The following SV2C variants were observed in gnomAD, a reference collection of about 807,000 sequenced individuals.
SV2C encodes the protein synaptic vesicle glycoprotein 2C.
A neutral mutation model predicts 79.7 loss-of-function variants in SV2C; 49 were observed. That is an observed-to-expected ratio of 0.61 (90% CI 0.49 to 0.78). The LOEUF is 0.78. Ranked by LOEUF, SV2C falls within the 30% of genes least tolerant of loss-of-function variation. The probability of loss-of-function intolerance (pLI) is 0.00; values close to 1 mark genes in which losing one functional copy is unlikely to be tolerated. For synonymous variants in SV2C, 334 were observed against 333.2 expected, an observed-to-expected ratio of 1.00 and a Z score of -0.03; for missense variants, 833 against 912.9, an observed-to-expected ratio of 0.91 and a Z score of 1.13.
chr5:76,193,110 GA>G (rs1244851585), intron 2 of SV2C, among the ~76,000 whole-genome samples: 1 of 151,986 alleles, frequency 6.6e-6, no homozygotes, highest in Non-Finnish European at 1.5e-5. Flanking sequence ...TCTGAATTAC[GA>G]GCTCCTTAAG....
the SV2C span, among the ~76,000 whole-genome samples, chr5:75,929,410 CG>C: frequency 6.6e-6 from 1 of 151,784 alleles, no homozygotes; most frequent in Non-Finnish European, 1.5e-5. Context: ...GGGGAAGCTG[CG>C]GCATCTGCTT....
At chr5:75,862,113 G>A in the SV2C span, among the ~76,000 whole-genome samples, 40 of 152,222 alleles carry the variant, frequency 2.6e-4, no homozygotes, top group African/African-American at 7.2e-4. Flanking sequence ...TTCCCAGTTC[G>A]TGATATCTGA....
intron 4 of SV2C, among the ~76,000 whole-genome samples, chr5:76,251,596 G>A (rs1579988852): frequency 6.6e-6 from 1 of 152,126 alleles, no homozygotes; most frequent in African/African-American, 2.4e-5. Flanking sequence ...AGGTTGCCAG[G>A]TCTCACCCCA....
chr5:76,205,161 G>A (rs1322511028), intron 3 of SV2C, among the ~76,000 whole-genome samples: 1 of 152,068 alleles, frequency 6.6e-6, no homozygotes, highest in Admixed American at 6.6e-5. Flanking sequence ...GTGTGTGTGT[G>A]TGTGTGTATG....
the SV2C span, among the ~76,000 whole-genome samples, chr5:75,975,738 T>C: frequency 7.1e-4 from 108 of 152,198 alleles, no homozygotes; most frequent in African/African-American, 2.6e-3. Context: ...CATTGTAAAA[T>C]AGAGATGGGA....
the SV2C span, among the ~76,000 whole-genome samples, chr5:76,022,772 C>T: frequency 2.6e-5 from 4 of 152,008 alleles, no homozygotes; most frequent in Non-Finnish European, 5.9e-5. Flanking sequence ...TACTTTTTTT[C>T]CCTTCAATTT....
At chr5:75,860,475 G>A in the SV2C span, among the ~76,000 whole-genome samples, 2,475 of 152,264 alleles carry the variant, frequency 0.016, 28 homozygotes, top group Middle Eastern at 0.031. Context: ...TATGATCACA[G>A]ATTGGAAGAA....
chr5:76,050,051 A>G, the SV2C span, among the ~76,000 whole-genome samples: 1 of 152,176 alleles, frequency 6.6e-6, no homozygotes, highest in East Asian at 1.9e-4. Flanking sequence ...CATTTGCAAA[A>G]TGTGGCCAAT....
At chr5:76,118,449 C>A (rs1748354612) in intron 1 of SV2C, among the ~76,000 whole-genome samples, 1 of 152,180 alleles carries the variant, frequency 6.6e-6, no homozygotes, top group African/African-American at 2.4e-5. Context: ...GTTCAATCTA[C>A]TACAAACCTC....
chr5:75,875,745 A>G, the SV2C span, among the ~76,000 whole-genome samples: 84 of 152,284 alleles, frequency 5.5e-4, no homozygotes, highest in African/African-American at 2.0e-3. Context: ...AGACAACCCC[A>G]TTAAAAAGTG....
the SV2C span, among the ~76,000 whole-genome samples, chr5:76,036,424 C>T: frequency 1.2e-3 from 179 of 152,022 alleles, 1 homozygote; most frequent in African/African-American, 3.7e-3. Context: ...TCAGGAGCTC[C>T]TTTAGGGCAG....
At chr5:76,053,846 A>AAC in the SV2C span, among the ~76,000 whole-genome samples, 1 of 152,194 alleles carries the variant, frequency 6.6e-6, no homozygotes, top group Admixed American at 6.5e-5. Context: ...AAGAAGGTCC[A>AAC]TGTATCTGCC....
At chr5:76,262,615 A>AT (rs1561288521) in intron 4 of SV2C, among the ~76,000 whole-genome samples, 2 of 152,154 alleles carry the variant, frequency 1.3e-5, no homozygotes, top group South Asian at 4.1e-4. Flanking sequence ...TGTTCCAGAG[A>AT]TTCTGGTACA....
chr5:75,957,714 A>G, the SV2C span, among the ~76,000 whole-genome samples: 178 of 152,198 alleles, frequency 1.2e-3, 6 homozygotes, highest in East Asian at 0.028. Context: ...TTGGTAAGAC[A>G]CATGTGTGAC....
At chr5:76,309,812 G>GT (rs997648615) in intron 12 of SV2C, among the ~76,000 whole-genome samples, 8 of 151,956 alleles carry the variant, frequency 5.3e-5, no homozygotes, top group Non-Finnish European at 1.2e-4. Flanking sequence ...GAGATGGCAG[G>GT]TTTTGTTTAT....
intron 8 of SV2C, among the ~76,000 whole-genome samples, chr5:76,292,217 G>T (rs1252616727): frequency 6.6e-6 from 1 of 151,948 alleles, no homozygotes; most frequent in Non-Finnish European, 1.5e-5. Flanking sequence ...GTGTTCCTCT[G>T]CCTGAGTTGC....
chr5:76,056,624 CTTTTTTT>C, the SV2C span, among the ~76,000 whole-genome samples: 19 of 65,720 alleles, frequency 2.9e-4, no homozygotes, highest in Admixed American at 3.7e-4. Context: ...CCTGGGCTTT[CTTTTTTT>C]TTTTTTTTTT....
chr5:75,940,756 A>T, the SV2C span, among the ~76,000 whole-genome samples: 1 of 152,328 alleles, frequency 6.6e-6, no homozygotes, highest in Admixed American at 6.5e-5. Flanking sequence ...AGAAAACAAG[A>T]TTGGAAGGTT....
chr5:76,014,487 T>A, the SV2C span, among the ~76,000 whole-genome samples: 3 of 152,252 alleles, frequency 2.0e-5, no homozygotes, highest in Non-Finnish European at 2.9e-5. Context: ...TTCAGAAATT[T>A]CAGATCTCTG....
Sources: allele counts gnomAD v4.1 joint callset (sites outside exome capture counted in the v4.1 genomes callset), GRCh38; gene constraint gnomAD v4.1.1; transcripts MANE v1.5; gene names NCBI Gene and HGNC (gene_info 2026-07-23, HGNC 2026-07-21).